FOSL2: variants seen among roughly 807,000 people sequenced by gnomAD.
The protein encoded by FOSL2 is FOS like 2, AP-1 transcription factor subunit.
Under a neutral mutation model 27.7 loss-of-function variants are expected in FOSL2, and 3 were observed. That is an observed-to-expected ratio of 0.11 (90% confidence interval 0.05 to 0.28). The LOEUF (loss-of-function observed/expected upper bound fraction) is 0.28. Ranked by LOEUF, FOSL2 falls within the 10% of genes least tolerant of loss-of-function variation. The pLI is 1.00. For missense variants in FOSL2, 333 were observed against 445.1 expected (o/e 0.75, Z 2.27); for synonymous variants, 179 against 190.1 (o/e 0.94, Z 0.48).
intron 3 of FOSL2, among the ~76,000 whole-genome samples, chr2:28,410,306 G>A (rs1224494750): frequency 6.6e-6 from 1 of 152,086 alleles, no homozygotes; most frequent in Non-Finnish European, 1.5e-5. Flanking sequence ...AAGGAGCTGT[G>A]CCCCATGTGG....
intron 1 of FOSL2, among the ~76,000 whole-genome samples, chr2:28,400,000 A>G (rs1320789942): frequency 6.6e-6 from 1 of 152,156 alleles, no homozygotes; most frequent in Admixed American, 6.5e-5. Flanking sequence ...GGGGACCACT[A>G]TATCCTTTTA....
At position 28,392,943 on chromosome 2, in the gene FOSL2, AGGG is replaced by A. The variant is rs1663703873; in HGVS notation, c.-777_-775del. On this transcript the variant is annotated 5_prime_UTR_variant, in exon 1 of 4. Coordinates refer to ENST00000264716, the MANE Select transcript of FOSL2 (RefSeq NM_005253.4). ...AGCGGCGCTCGGCGGGGACAGAAAGAGGGAGAGAGAGAGAGAGAGAGAGGGAGA... is the reference window on the plus strand; with the variant it reads ...AGCGGCGCTCGGCGGGGACAGAAAGAAGAGAGAGAGAGAGAGAGAGGGAGA... 15 of 699,754 alleles carry A rather than the reference AGGG, an allele frequency of 2.1e-5. No homozygotes were observed. In the East Asian group the frequency reaches 4.1e-4, roughly 19 times the overall value. 43.3% of individuals were successfully genotyped at this position (699,754 alleles called of 1,614,324 possible).
chr2:28,396,813 C>CACACACACACACACACACAA (rs1663851266), intron 1 of FOSL2: 47 of 148,494 alleles, frequency 3.2e-4, no homozygotes, highest in African/African-American at 1.2e-3. Flanking sequence ...CACACACACA[C>CACACACACACACACACACAA]ACACACACAC....
chr2:28,405,424 T>A (rs1183070631), intron 2 of FOSL2, among the ~76,000 whole-genome samples: 1 of 152,208 alleles, frequency 6.6e-6, no homozygotes, highest in Non-Finnish European at 1.5e-5. Context: ...CTTTTTCAAA[T>A]GAATTGTTAT....
At chr2:28,402,999 A>G (rs182137813) in intron 1 of FOSL2, among the ~76,000 whole-genome samples, 1 of 152,278 alleles carries the variant, frequency 6.6e-6, no homozygotes, top group East Asian at 1.9e-4. Context: ...GTTGTTAGCT[A>G]TTGTCTTCAT....
chr2:28,395,897 T>C (rs1168522470), intron 1 of FOSL2: 1 of 152,206 alleles, frequency 6.6e-6, no homozygotes, highest in Non-Finnish European at 1.5e-5. Flanking sequence ...AACAAAATTG[T>C]TCTGTGGTCC....
intron 2 of FOSL2, among the ~76,000 whole-genome samples, chr2:28,406,602 G>A (rs542180218): frequency 1.7e-4 from 26 of 152,210 alleles, no homozygotes; most frequent in African/African-American, 2.7e-4. Context: ...CCACCTAGGC[G>A]TGCCTCATAC....
chr2:28,400,682 C>T (rs986876070), intron 1 of FOSL2, among the ~76,000 whole-genome samples: 1 of 152,206 alleles, frequency 6.6e-6, no homozygotes, highest in Admixed American at 6.5e-5. Flanking sequence ...GCAGTCATTA[C>T]CTCCTGGCTG....
chr2:28,409,213 G>A (rs1664142843), intron 3 of FOSL2, among the ~76,000 whole-genome samples: 2 of 152,102 alleles, frequency 1.3e-5, no homozygotes, highest in African/African-American at 4.8e-5. Context: ...GGGAGCCAGG[G>A]CAGGTCCAGA....
At chr2:28,399,752 TG>T (rs1285488924) in intron 1 of FOSL2, among the ~76,000 whole-genome samples, 1 of 152,194 alleles carries the variant, frequency 6.6e-6, no homozygotes, top group Non-Finnish European at 1.5e-5. Context: ...AACCTGAGCA[TG>T]GGAGATGAGA....
rs968927868 is a variant in FOSL2 at position 28,416,610 on chromosome 2, A to G, written c.*4162A>G. On this transcript the variant is annotated 3_prime_UTR_variant, in exon 4 of 4. Coordinates refer to ENST00000264716, the MANE Select transcript of FOSL2 (RefSeq NM_005253.4). ...GGACAGTGGTCGCCAAGACATCTAC[A>G]TTGTAAGAGAACACAGTGGAAGATC... 1 of 152,090 alleles carries G rather than the reference A, an allele frequency of 6.6e-6. No individual in the cohort carries two copies. The highest frequency in any genetic ancestry group is 1.5e-5 in the Non-Finnish European group (1 of 68,018). The allele number at this position is 152,090 out of a possible 1,614,324, so 9.4% of individuals were successfully genotyped here. A position where few individuals can be genotyped will look rare whatever the true frequency, so the allele number is the denominator to read the frequency against.
chr2:28,393,836 C>G lies in FOSL2; in HGVS notation c.102+14C>G. ...GGCGGCCAGCAGGTAGGTGCGGGCC[C>G]CGGTGCACCTGGCGGCGCGGGCGGA... On this transcript the variant is annotated intron_variant, in intron 1 of 3. Transcript: ENST00000264716. The surrounding 1 kb of genome is among the most constrained non-coding windows in gnomAD (Gnocchi z 4.6). 6.4e-7 allele frequency: 1 copy of G among 1,568,748 alleles called. No homozygotes were observed. The highest frequency in any genetic ancestry group is 8.7e-7 in the Non-Finnish European group (1 of 1,153,480).
At chr2:28,395,319 T>G (rs1214764673) in intron 1 of FOSL2, among the ~76,000 whole-genome samples, 2 of 152,124 alleles carry the variant, frequency 1.3e-5, no homozygotes, top group African/African-American at 4.8e-5. Flanking sequence ...CCTGTCTGTC[T>G]CCTCCTCCCT....
At position 28,413,221 on chromosome 2, in the gene FOSL2, C is replaced by T. The variant is rs926081285; in HGVS notation, c.*773C>T. 5 of 336,374 alleles carry T rather than the reference C, an allele frequency of 1.5e-5. No individual in the cohort carries two copies. Among genetic ancestry groups the T allele is most frequent in the Non-Finnish European group, 2.1e-5 (4 of 186,712 alleles). The allele number at this position is 336,374 out of a possible 1,614,324, so 20.8% of individuals were successfully genotyped here. A position where few individuals can be genotyped will look rare whatever the true frequency, so the allele number is the denominator to read the frequency against. On this transcript the variant is annotated 3_prime_UTR_variant, in exon 4 of 4. Transcript: ENST00000264716. ...AGGGTGTGAGTGAGACAGTGGGGCACAGGTTGGGTTTGCCAAACGCCTAAT... is the reference window on the plus strand; with the variant it reads ...AGGGTGTGAGTGAGACAGTGGGGCATAGGTTGGGTTTGCCAAACGCCTAAT...
rs955106211 is a variant in FOSL2, at chr2:28,393,254, G to A, written c.-467G>A. On this transcript the variant is annotated 5_prime_UTR_variant, in exon 1 of 4. Coordinates refer to ENST00000264716, the MANE Select transcript of FOSL2 (RefSeq NM_005253.4). The surrounding 1 kb of genome is among the most constrained non-coding windows in gnomAD (Gnocchi z 4.6). ...AAGGAAGAAACAGAAGTTTCTCCCA[G>A]CGGACAGCTTTTCTTTCCGCCTTTT... is the stretch of plus-strand genomic sequence containing the variant. 14 of 211,596 alleles carry A rather than the reference G, an allele frequency of 6.6e-5. No homozygotes were observed. Among genetic ancestry groups the A allele is most frequent in the Non-Finnish European group, 1.2e-4 (13 of 108,500 alleles). The allele number at this position is 211,596 out of a possible 1,614,324, so 13.1% of individuals were successfully genotyped here.
intron 1 of FOSL2, among the ~76,000 whole-genome samples, chr2:28,401,457 C>T (rs749545746): frequency 2.6e-5 from 4 of 152,154 alleles, no homozygotes; most frequent in Non-Finnish European, 5.9e-5. Flanking sequence ...GAGTATTCCC[C>T]TTTACATCCA....
intron 1 of FOSL2, among the ~76,000 whole-genome samples, chr2:28,398,955 G>C (rs1288601035): frequency 6.6e-6 from 1 of 152,218 alleles, no homozygotes; most frequent in African/African-American, 2.4e-5. Context: ...GATGTGATGG[G>C]AGGTATGAGA....
At position 28,415,425 on chromosome 2, in the gene FOSL2, G is replaced by T. The variant is rs1173189854; in HGVS notation, c.*2977G>T. ...TTCAGAGTCAAACATCATTCTGCCT[G>T]TGTTGGGGGCCAGGTGTGTCACACA... On this transcript the variant is annotated 3_prime_UTR_variant, in exon 4 of 4. Transcript: ENST00000264716. 2 of 152,210 alleles carry T rather than the reference G, an allele frequency of 1.3e-5. No homozygotes were observed. Among genetic ancestry groups the T allele is most frequent in the African/African-American group, 4.8e-5 (2 of 41,450 alleles). The allele number at this position is 152,210 out of a possible 1,614,324, so 9.4% of individuals were successfully genotyped here. A position where few individuals can be genotyped will look rare whatever the true frequency, so the allele number is the denominator to read the frequency against.
At chr2:28,411,045 G>T (rs530547277) in intron 3 of FOSL2, among the ~76,000 whole-genome samples, 119 of 152,104 alleles carry the variant, frequency 7.8e-4, no homozygotes, top group African/African-American at 2.5e-3. Context: ...CTACTCGGGA[G>T]GCTGAGACTG....
Sources: allele counts gnomAD v4.1 joint callset (sites outside exome capture counted in the v4.1 genomes callset), GRCh38; gene constraint gnomAD v4.1.1; non-coding constraint Gnocchi (gnomAD v3.1); transcripts MANE v1.5; gene names NCBI Gene and HGNC (gene_info 2026-07-23, HGNC 2026-07-21).